Variants in OXR1 observed in about 807,000 individuals in gnomAD.
The protein encoded by OXR1 is oxidation resistance 1.
A neutral mutation model predicts 104.6 loss-of-function variants in OXR1; 41 were observed. The observed-to-expected ratio is 0.39, with a 90% confidence interval of 0.31 to 0.51. The LOEUF (loss-of-function observed/expected upper bound fraction) is 0.51, where lower values mean the gene tolerates loss of function less well. Among genes scored for constraint, OXR1 ranks in the 20% least tolerant of loss-of-function variants. OXR1 has a pLI of 0.77. For missense variants in OXR1, 955 were observed against 1,031.9 expected, an observed-to-expected ratio of 0.93 and a Z score of 1.02; for synonymous variants, 348 against 348.4, an observed-to-expected ratio of 1.00 and a Z score of 0.01.
At chr8:106,433,304 C>T (rs1392365584) in intron 2 of OXR1, among the ~76,000 whole-genome samples, 2 of 152,110 alleles carry the variant, frequency 1.3e-5, no homozygotes, top group East Asian at 3.9e-4. Context: ...GTGGTGTCAG[C>T]TGATTCATCC....
chr8:106,419,101 T>C (rs1818798467), intron 2 of OXR1, among the ~76,000 whole-genome samples: 1 of 152,204 alleles, frequency 6.6e-6, no homozygotes. Flanking sequence ...TCAAATTTTC[T>C]ATTTACACAC....
chr8:106,640,630 T>C (rs185817981), intron 3 of OXR1, among the ~76,000 whole-genome samples: 5 of 152,254 alleles, frequency 3.3e-5, no homozygotes, highest in African/African-American at 1.2e-4. Flanking sequence ...CATGTAATCT[T>C]TACTTTGGGA....
At chr8:106,606,634 A>G (rs904091306) in intron 3 of OXR1, among the ~76,000 whole-genome samples, 4 of 152,000 alleles carry the variant, frequency 2.6e-5, no homozygotes. Context: ...TTGATATCAT[A>G]TGATAGCTCT....
intron 2 of OXR1, among the ~76,000 whole-genome samples, chr8:106,475,817 C>T (rs1335079306): frequency 6.6e-6 from 1 of 151,930 alleles, no homozygotes; most frequent in African/African-American, 2.4e-5. Flanking sequence ...TCTGTTAATT[C>T]CTGTCTTGTG....
intron 15 of OXR1, among the ~76,000 whole-genome samples, chr8:106,743,601 G>A (rs773321890): frequency 3.5e-4 from 54 of 152,314 alleles, no homozygotes; most frequent in Middle Eastern, 3.4e-3. Flanking sequence ...GATTACAGGC[G>A]TGAGCCACCA....
intron 1 of OXR1, among the ~76,000 whole-genome samples, chr8:106,290,984 A>G (rs1486203548): frequency 6.6e-6 from 1 of 152,200 alleles, no homozygotes; most frequent in East Asian, 1.9e-4. Flanking sequence ...CCAAAAAGAC[A>G]CATGCACTAG....
chr8:106,380,763 G>T (rs1028684440), intron 2 of OXR1, among the ~76,000 whole-genome samples: 1 of 152,072 alleles, frequency 6.6e-6, no homozygotes, highest in Non-Finnish European at 1.5e-5. Context: ...TTTTTTTGAA[G>T]AAATGCTATT....
chr8:106,447,944 G>T lies in OXR1; in HGVS notation c.24-70999G>T. ...GAGCTAACGAGACATCTAGTACGGG[G>T]CTCACAGGTAACAGAACTCTGATCA... On this transcript the variant is annotated intron_variant, in intron 2 of 16. Coordinates refer to ENST00000517566, the MANE Select transcript of OXR1 (RefSeq NM_001198533.2). 4 of 1,534,554 alleles carry T rather than the reference G, an allele frequency of 2.6e-6. No homozygotes were observed. The South Asian group carries it at 3.6e-5, about 14-fold the overall frequency.
At chr8:106,282,042 C>G (rs1370787126) in intron 1 of OXR1, among the ~76,000 whole-genome samples, 1 of 152,032 alleles carries the variant, frequency 6.6e-6, no homozygotes, top group Non-Finnish European at 1.5e-5. Context: ...TCCCCCTACC[C>G]CAAACTTATG....
At chr8:106,389,424 T>C (rs2022977) in intron 2 of OXR1, among the ~76,000 whole-genome samples, 62,574 of 152,116 alleles carry the variant, frequency 0.41, 14,000 homozygotes, top group East Asian at 0.5. Flanking sequence ...AATAAGTTAT[T>C]AATTAATAAA....
chr8:106,440,396 T>C (rs1819736899), intron 2 of OXR1, among the ~76,000 whole-genome samples: 1 of 152,162 alleles, frequency 6.6e-6, no homozygotes, highest in Non-Finnish European at 1.5e-5. Flanking sequence ...GTTTTTTCTA[T>C]ATATACTGAA....
intron 1 of OXR1, among the ~76,000 whole-genome samples, chr8:106,318,477 C>T (rs1814071348): frequency 6.6e-6 from 1 of 152,326 alleles, no homozygotes; most frequent in South Asian, 2.1e-4. Context: ...TTGCTAGCCT[C>T]TTCCCCACTC....
intron 3 of OXR1, among the ~76,000 whole-genome samples, chr8:106,525,515 A>G (rs1813596277): frequency 6.6e-6 from 1 of 152,216 alleles, no homozygotes. Context: ...CTGGTGTAGC[A>G]AACAATAAGT....
intron 1 of OXR1, among the ~76,000 whole-genome samples, chr8:106,296,360 A>G (rs866250619): frequency 6.6e-6 from 1 of 152,192 alleles, no homozygotes; most frequent in Non-Finnish European, 1.5e-5. Context: ...AATGATGATG[A>G]TAGTACTAAT....
At chr8:106,306,639 GACTTT>G (rs912712811) in intron 1 of OXR1, among the ~76,000 whole-genome samples, 7 of 152,120 alleles carry the variant, frequency 4.6e-5, no homozygotes, top group Non-Finnish European at 8.8e-5. Flanking sequence ...ATGTCTCCAT[GACTTT>G]ACTTTGAGTG....
chr8:106,522,856 G>A (rs975408595), intron 3 of OXR1: 18 of 151,972 alleles, frequency 1.2e-4, no homozygotes, highest in African/African-American at 4.1e-4. Context: ...ATACCACAAC[G>A]TTAGCAGTTT....
At chr8:106,612,900 G>A (rs766569903) in intron 3 of OXR1, among the ~76,000 whole-genome samples, 60 of 152,038 alleles carry the variant, frequency 3.9e-4, no homozygotes, top group Non-Finnish European at 7.6e-4. Flanking sequence ...TACACCTCAA[G>A]GCTAGAAAGT....
chr8:106,726,871 C>T (rs1294724640), intron 11 of OXR1, among the ~76,000 whole-genome samples: 2 of 152,170 alleles, frequency 1.3e-5, no homozygotes, highest in South Asian at 2.1e-4. Context: ...TTTTTCTGTA[C>T]GTGTACATTG....
intron 2 of OXR1, among the ~76,000 whole-genome samples, chr8:106,428,605 T>A (rs1313049438): frequency 6.9e-6 from 1 of 144,562 alleles, no homozygotes; most frequent in Admixed American, 6.9e-5. Flanking sequence ...GAGCTGCCAA[T>A]GTCTTTTTTT....
Sources: allele counts gnomAD v4.1 joint callset (sites outside exome capture counted in the v4.1 genomes callset), GRCh38; gene constraint gnomAD v4.1.1; transcripts MANE v1.5; gene names NCBI Gene and HGNC (gene_info 2026-07-23, HGNC 2026-07-21).